The following CNTN4 variants were observed in gnomAD, a reference collection of about 807,000 sequenced individuals.
CNTN4 encodes the protein contactin 4, also known as contactin-4.
In CNTN4, 77 loss-of-function variants were observed where a neutral mutation model predicts 122.5. The observed-to-expected ratio is 0.63, with a 90% CI of 0.52 to 0.76. The LOEUF (loss-of-function observed/expected upper bound fraction) is 0.76, where lower values mean the gene tolerates loss of function less well. CNTN4 is among the 30% of genes least tolerant of loss of function. The probability of loss-of-function intolerance (pLI) is 0.00; values close to 1 mark genes in which losing one functional copy is unlikely to be tolerated. For missense variants in CNTN4, 1,256 were observed against 1,259.1 expected (o/e 1.00, Z 0.04); for synonymous variants, 512 against 447.0 (o/e 1.15, Z -1.83).
In CNTN4 at chr3:3,038,991, T is replaced by C. The variant is rs1372328241; in HGVS notation, c.2151T>C (p.Val717=). 6.2e-7 allele frequency: 1 copy of C among 1,613,792 alleles called. No individual in the cohort carries two copies. The highest frequency in any genetic ancestry group is 1.7e-5 in the Admixed American group (1 of 60,028). ...GCGGAGGCAGCAAATCTGAACTGGT[T>C]ATAACCTGGGAGGTAAATGAATCAC... ...SGGGGSKSEL[V]ITWETVPEEL... is the part of the protein sequence containing the mutation. Residue 717 remains valine (V), a synonymous_variant, in exon 19 of 25, where the codon GTT becomes GTC. Transcript: ENST00000418658.
At chr3:2,434,124 A>G (rs1430425730) in intron 3 of CNTN4, among the ~76,000 whole-genome samples, 3 of 152,220 alleles carry the variant, frequency 2.0e-5, no homozygotes, top group South Asian at 2.1e-4. Flanking sequence ...AATGCATTAC[A>G]TACTTCAAAA....
At chr3:2,123,731 G>A (rs2033944089) in intron 2 of CNTN4, among the ~76,000 whole-genome samples, 1 of 150,600 alleles carries the variant, frequency 6.6e-6, no homozygotes, top group Admixed American at 6.7e-5. Context: ...TTGTGTTTTG[G>A]GACTAAGAAA....
At chr3:2,897,424 G>A (rs180842677) in intron 10 of CNTN4, among the ~76,000 whole-genome samples, 27 of 138,292 alleles carry the variant, frequency 2.0e-4, no homozygotes, top group African/African-American at 7.4e-4. Flanking sequence ...TAATATGTGG[G>A]CTCTGTATAT....
chr3:2,979,950 T>C (rs934588094), intron 13 of CNTN4, among the ~76,000 whole-genome samples: 1 of 152,160 alleles, frequency 6.6e-6, no homozygotes, highest in Non-Finnish European at 1.5e-5. Context: ...CCTCCTCTTT[T>C]GGGTGATAGA....
At chr3:2,740,999 A>T (rs2089424973) in intron 5 of CNTN4, among the ~76,000 whole-genome samples, 1 of 152,220 alleles carries the variant, frequency 6.6e-6, no homozygotes, top group South Asian at 2.1e-4. Context: ...GAAAGAAAAT[A>T]ACAGAATTTT....
intron 4 of CNTN4, among the ~76,000 whole-genome samples, chr3:2,609,255 G>A (rs1319380456): frequency 1.3e-5 from 2 of 152,198 alleles, no homozygotes; most frequent in African/African-American, 4.8e-5. Flanking sequence ...CTCGTGAATG[G>A]ATTAGCACCT....
At chr3:2,248,085 G>T (rs2040225979) in intron 2 of CNTN4, among the ~76,000 whole-genome samples, 2 of 152,046 alleles carry the variant, frequency 1.3e-5, no homozygotes, top group South Asian at 4.1e-4. Context: ...CCGTGTGAAT[G>T]CTGAGACTGG....
chr3:2,611,883 A>G (rs1173957721), intron 4 of CNTN4, among the ~76,000 whole-genome samples: 1 of 152,072 alleles, frequency 6.6e-6, no homozygotes, highest in South Asian at 2.1e-4. Flanking sequence ...TAAATGTTGG[A>G]TGAGTATTTC....
chr3:2,427,818 A>G (rs985205980), intron 3 of CNTN4, among the ~76,000 whole-genome samples: 16 of 151,920 alleles, frequency 1.1e-4, no homozygotes, highest in African/African-American at 3.4e-4. Context: ...TCCCTTTACC[A>G]TATGTAATGG....
intron 13 of CNTN4, among the ~76,000 whole-genome samples, chr3:2,950,955 A>G (rs182994888): frequency 6.6e-6 from 1 of 152,262 alleles, no homozygotes; most frequent in African/African-American, 2.4e-5. Flanking sequence ...CATAATGGAC[A>G]TTAAATACAT....
At chr3:2,159,860 A>G (rs1189569141) in intron 2 of CNTN4, among the ~76,000 whole-genome samples, 5 of 151,820 alleles carry the variant, frequency 3.3e-5, no homozygotes, top group African/African-American at 1.2e-4. Flanking sequence ...TTAATCCTTT[A>G]ACAAACCTTG....
At position 2,784,738 on chromosome 3, in the gene CNTN4, C is replaced by G. The variant is rs763714048; in HGVS notation, c.359-34748C>G. ...TGCTTGTCACCTGACAGCCATCTCA[C>G]TTTGAGCAAGTATTTAATCTCTGAA... On this transcript the variant is annotated intron_variant, in intron 6 of 24. Coordinates refer to ENST00000418658, the MANE Select transcript of CNTN4 (RefSeq NM_175607.3). Among the ~76,000 whole-genome samples the G allele has an allele frequency of 1.4e-4, 22 of 152,176 alleles. 1 individual carries two copies. The highest frequency in any genetic ancestry group is 3.3e-4 in the Admixed American group (5 of 15,278).
chr3:2,338,050 A>C (rs80137126), intron 2 of CNTN4, among the ~76,000 whole-genome samples: 1,709 of 152,216 alleles, frequency 0.011, 44 homozygotes, highest in African/African-American at 0.039. Context: ...ATTCAGAATT[A>C]ATGTGAATAT....
At chr3:2,576,258 G>A (rs1047102333) in intron 4 of CNTN4, among the ~76,000 whole-genome samples, 7 of 152,262 alleles carry the variant, frequency 4.6e-5, no homozygotes, top group South Asian at 4.1e-4. Flanking sequence ...GGCACATAGT[G>A]CAATTCAATA....
intron 4 of CNTN4, among the ~76,000 whole-genome samples, chr3:2,669,729 T>C (rs1217390199): frequency 6.6e-6 from 1 of 152,210 alleles, no homozygotes; most frequent in Admixed American, 6.5e-5. Flanking sequence ...TGTGGGCATT[T>C]AGTGCTATAA....
chr3:2,638,255 C>G (rs1448718068), intron 4 of CNTN4, among the ~76,000 whole-genome samples: 7 of 152,144 alleles, frequency 4.6e-5, no homozygotes. Context: ...TCTTTTGGAT[C>G]CTTGATAATA....
intron 8 of CNTN4, among the ~76,000 whole-genome samples, chr3:2,879,055 T>C (rs73005441): frequency 0.26 from 39,927 of 152,000 alleles, 5,347 homozygotes; most frequent in Middle Eastern, 0.35. Context: ...GAAGTCCTAA[T>C]ACCCAGTGCC....
chr3:3,051,735 A>AGAT (rs773027625), intron 23 of CNTN4, among the ~76,000 whole-genome samples: 1 of 152,242 alleles, frequency 6.6e-6, no homozygotes, highest in African/African-American at 2.4e-5. Flanking sequence ...TGTGTTAGAG[A>AGAT]GATATAAATT....
chr3:2,923,622 T>C (rs1454863285), intron 12 of CNTN4, among the ~76,000 whole-genome samples: 2 of 152,228 alleles, frequency 1.3e-5, no homozygotes, highest in Admixed American at 1.3e-4. Flanking sequence ...TATTGCGTAA[T>C]TCTCAATCTT....
Sources: allele counts gnomAD v4.1 joint callset (sites outside exome capture counted in the v4.1 genomes callset), GRCh38; gene constraint gnomAD v4.1.1; transcripts MANE v1.5; gene names NCBI Gene and HGNC (gene_info 2026-07-23, HGNC 2026-07-21).